The following ZFHX4 variants were observed in gnomAD, a reference collection of about 807,000 sequenced individuals.
The protein encoded by ZFHX4 is zinc finger homeobox 4.
In ZFHX4, 56 loss-of-function variants were observed where a neutral mutation model predicts 267.6. The ratio of observed to expected loss-of-function variants is 0.21; its 90% CI spans 0.17 to 0.26. The LOEUF is 0.26. Ranked by LOEUF, ZFHX4 falls within the 10% of genes least tolerant of loss-of-function variation. The pLI is 1.00. For missense variants in ZFHX4, 4,332 were observed against 4,420.0 expected, an observed-to-expected ratio of 0.98 and a Z score of 0.56; for synonymous variants, 1,778 against 1,665.6, an observed-to-expected ratio of 1.07 and a Z score of -1.64.
chr8:76,726,565 G>T (rs546010707), intron 3 of ZFHX4, among the ~76,000 whole-genome samples: 3 of 152,158 alleles, frequency 2.0e-5, no homozygotes, highest in Admixed American at 2.0e-4. Context: ...TTTTGTATTT[G>T]CCTGAGCATT....
intron 3 of ZFHX4, among the ~76,000 whole-genome samples, chr8:76,730,230 G>A (rs1169939186): frequency 6.6e-6 from 1 of 152,094 alleles, no homozygotes; most frequent in African/African-American, 2.4e-5. Context: ...TAAAAAGAAG[G>A]AACTGGTTTA....
chr8:76,805,614 G>A (rs1442097379), intron 4 of ZFHX4, among the ~76,000 whole-genome samples: 1 of 150,314 alleles, frequency 6.7e-6, no homozygotes, highest in East Asian at 1.9e-4. Context: ...TGTAGTCAGA[G>A]ATTACATGCA....
intron 4 of ZFHX4, among the ~76,000 whole-genome samples, chr8:76,794,516 A>G (rs1183820285): frequency 6.6e-6 from 1 of 152,240 alleles, no homozygotes; most frequent in East Asian, 1.9e-4. Flanking sequence ...TTAAGTTACA[A>G]ATTTTGGCTT....
Position 76,705,320 on chromosome 8 carries a change from T to C in ZFHX4, c.1232T>C (p.Leu411Pro), listed in dbSNP as rs1563471650. The C allele has an allele frequency of 6.2e-7, 1 of 1,613,990 alleles. No homozygotes were observed. The highest frequency in any genetic ancestry group is 8.5e-7 in the Non-Finnish European group (1 of 1,179,888). Residue 411 changes from leucine (L) to proline (P), a missense_variant, in exon 2 of 11, where the codon CTG becomes CCG. By Grantham distance (98) the Leu-to-Pro change is moderately conservative. Transcript: ENST00000651372. ...MPKAEVNLGGLSSLVVNTPIT... is the reference protein window; with the variant it reads ...MPKAEVNLGGPSSLVVNTPIT... ...AAGGCTGAAGTGAATCTGGGGGGGC[T>C]GTCTAGTTTAGTAGTGAACACCCCA...
At chr8:76,701,339 G>A (rs1337738833) in intron 1 of ZFHX4, among the ~76,000 whole-genome samples, 6 of 152,068 alleles carry the variant, frequency 3.9e-5, no homozygotes, top group Non-Finnish European at 1.5e-5. Context: ...TGATTTATGT[G>A]TAGTTTATTG....
intron 3 of ZFHX4, among the ~76,000 whole-genome samples, chr8:76,733,900 G>C (rs754416208): frequency 2.0e-5 from 3 of 152,108 alleles, no homozygotes; most frequent in African/African-American, 4.8e-5. Flanking sequence ...GTAAAGGTTT[G>C]ATAATAGATG....
Position 76,851,038 on chromosome 8 carries a change from A to T in ZFHX4, c.4117A>T (p.Thr1373Ser). The change falls in exon 10 of 11, where the codon ACA becomes TCA. Residue 1373 changes from threonine (T) to serine (S), a missense_variant. Physicochemically the swap from Thr to Ser is moderately conservative, Grantham distance 58. This residue lies in a region of ZFHX4 where 1,371 missense variants were observed against 1,423.1 expected (regional missense o/e 0.96). Transcript: ENST00000651372. ...CAGTAAGGATGTGAAAATCCCCGAC[A>T]CACTGCAAGATCAATTAAATGAACA... Reference protein sequence around the residue: ...NSSKDVKIPDTLQDQLNEQQK... With the variant: ...NSSKDVKIPDSLQDQLNEQQK... 1 of 1,613,990 alleles carries T rather than the reference A, an allele frequency of 6.2e-7. No homozygotes were observed. Among genetic ancestry groups the T allele is most frequent in the Non-Finnish European group, 8.5e-7 (1 of 1,179,884 alleles).
chr8:76,836,489 T>G (rs1477076745), intron 5 of ZFHX4, among the ~76,000 whole-genome samples: 1 of 151,882 alleles, frequency 6.6e-6, no homozygotes, highest in African/African-American at 2.4e-5. Flanking sequence ...GTGAGCCGAG[T>G]CCTGGTTAAT....
intron 5 of ZFHX4, among the ~76,000 whole-genome samples, chr8:76,835,075 G>GGTTT (rs1812035728): frequency 6.6e-6 from 1 of 150,418 alleles, no homozygotes; most frequent in Non-Finnish European, 1.5e-5. Context: ...TTTATACAAA[G>GGTTT]TATATATTAA....
At position 76,863,676 on chromosome 8, in the gene ZFHX4, A is replaced by T; in HGVS notation, c.9962A>T (p.Gln3321Leu). 1 of 1,601,888 alleles carries T rather than the reference A, an allele frequency of 6.2e-7. No homozygotes were observed. The highest frequency in any genetic ancestry group is 8.5e-7 in the Non-Finnish European group (1 of 1,173,548). The change falls in exon 11 of 11, where the codon CAG becomes CTG. Residue 3321 changes from glutamine (Q) to leucine (L), a missense_variant. This residue lies in a region of ZFHX4 where 1,648 missense variants were observed against 1,625.0 expected (regional missense o/e 1.01). Transcript: ENST00000651372. The stretch of plus-strand genomic sequence containing the variant: ...GGTGCACTGTTGCAGCAGTACCAAC[A>T]GTATCAGCAGAACCTGCAGGAGTCC... ...SPGALLQQYQ[Q>L]YQQNLQESLQ...
At chr8:76,734,442 C>G (rs1012795094) in intron 3 of ZFHX4, among the ~76,000 whole-genome samples, 4 of 152,244 alleles carry the variant, frequency 2.6e-5, no homozygotes, top group African/African-American at 9.6e-5. Flanking sequence ...CTCTGTAAAC[C>G]TGGCCTAATA....
chr8:76,785,214 G>C (rs943275314), intron 4 of ZFHX4, among the ~76,000 whole-genome samples: 5 of 152,044 alleles, frequency 3.3e-5, no homozygotes, highest in Non-Finnish European at 5.9e-5. Context: ...ACCATACTGA[G>C]TCAAATGAGT....
At chr8:76,767,824 T>C (rs569374307) in intron 3 of ZFHX4, among the ~76,000 whole-genome samples, 42 of 152,312 alleles carry the variant, frequency 2.8e-4, no homozygotes, top group Admixed American at 9.2e-4. Context: ...TGGGTGGTTA[T>C]TGAACATGTT....
intron 1 of ZFHX4, among the ~76,000 whole-genome samples, chr8:76,700,094 A>C (rs1466888079): frequency 6.6e-6 from 1 of 152,234 alleles, no homozygotes; most frequent in African/African-American, 2.4e-5. Flanking sequence ...ACCTTTTGGA[A>C]ACTTGATATA....
chr8:76,747,111 CTA>C (rs1287378687), intron 3 of ZFHX4, among the ~76,000 whole-genome samples: 2 of 152,076 alleles, frequency 1.3e-5, no homozygotes, highest in Non-Finnish European at 2.9e-5. Context: ...AAAAAAATGA[CTA>C]TATTTATGGT....
chr8:76,727,074 T>A (rs1452701549), intron 3 of ZFHX4, among the ~76,000 whole-genome samples: 2 of 152,156 alleles, frequency 1.3e-5, no homozygotes, highest in African/African-American at 2.4e-5. Context: ...CTGTCCCCAG[T>A]ATTAATAACC....
intron 4 of ZFHX4, among the ~76,000 whole-genome samples, chr8:76,818,022 C>A (rs1270075042): frequency 1.3e-5 from 2 of 152,134 alleles, no homozygotes; most frequent in African/African-American, 4.8e-5. Flanking sequence ...TCCCTGCCCT[C>A]AAGGAGTTTA....
chr8:76,776,920 C>G (rs1429944969), intron 3 of ZFHX4, among the ~76,000 whole-genome samples: 3 of 151,938 alleles, frequency 2.0e-5, no homozygotes, highest in African/African-American at 7.3e-5. Context: ...ATGCTAAAAG[C>G]CAGGGAGGTG....
At chr8:76,831,648 G>A (rs933606885) in intron 4 of ZFHX4, among the ~76,000 whole-genome samples, 1 of 152,058 alleles carries the variant, frequency 6.6e-6, no homozygotes, top group Non-Finnish European at 1.5e-5. Flanking sequence ...AAAATTTATC[G>A]GGGAAACATT....
Sources: gnomAD v4.1 joint callset for allele counts (sites outside exome capture counted in the v4.1 genomes callset) on GRCh38, gnomAD v4.1.1 for gene constraint, gnomAD v4.1.1 regional missense constraint, MANE v1.5 for transcripts, NCBI Gene and HGNC (gene_info 2026-07-23, HGNC 2026-07-21) for gene names.